Variants in EFCAB7 observed in about 807,000 individuals in gnomAD.
The protein encoded by EFCAB7 is EF-hand calcium-binding domain-containing protein 7.
EFCAB7 carries 66 observed loss-of-function variants against 77.1 expected under a neutral mutation model. The ratio of observed to expected loss-of-function variants is 0.86; its 90% confidence interval spans 0.70 to 1.05. The LOEUF is 1.05. Among genes scored for constraint, EFCAB7 ranks in the 50% least tolerant of loss-of-function variants. The probability of loss-of-function intolerance (pLI) is 0.00; values close to 1 mark genes in which losing one functional copy is unlikely to be tolerated. For missense variants in EFCAB7, 638 were observed against 730.5 expected (o/e 0.87, Z 1.46); for synonymous variants, 225 against 243.3 (o/e 0.92, Z 0.70).
intron 10 of EFCAB7, among the ~76,000 whole-genome samples, chr1:63,558,517 G>C (rs1647056185): frequency 6.6e-6 from 1 of 152,140 alleles, no homozygotes; most frequent in African/African-American, 2.4e-5. Context: ...ATAGGCTCCA[G>C]AACTTTGAAC....
intron 6 of EFCAB7, among the ~76,000 whole-genome samples, chr1:63,541,856 C>T (rs1269213408): frequency 1.3e-5 from 2 of 152,112 alleles, no homozygotes; most frequent in Non-Finnish European, 2.9e-5. Flanking sequence ...AGCCACCATG[C>T]CCAGCCCCAA....
At chr1:63,546,541 T>A (rs1371545123) in intron 7 of EFCAB7, among the ~76,000 whole-genome samples, 1 of 152,114 alleles carries the variant, frequency 6.6e-6, no homozygotes, top group Non-Finnish European at 1.5e-5. Context: ...AATCTTTTTG[T>A]ATTTTTAGTA....
At chr1:63,562,507 T>C (rs866482933) in intron 11 of EFCAB7, among the ~76,000 whole-genome samples, 100 of 128,020 alleles carry the variant, frequency 7.8e-4, no homozygotes, top group Middle Eastern at 4.0e-3. Flanking sequence ...AACTTTTTTT[T>C]TTTTTAATTT....
At chr1:63,562,128 T>G (rs1647108889) in intron 11 of EFCAB7, among the ~76,000 whole-genome samples, 1 of 152,014 alleles carries the variant, frequency 6.6e-6, no homozygotes, top group African/African-American at 2.4e-5. Context: ...TTAAAAAAAT[T>G]AAAATTGGAA....
At chr1:63,533,066 C>T (rs1313530908) in intron 4 of EFCAB7, among the ~76,000 whole-genome samples, 1 of 152,084 alleles carries the variant, frequency 6.6e-6, no homozygotes, top group Non-Finnish European at 1.5e-5. Context: ...AGTTAAAAAA[C>T]ATGTGTGCTC....
chr1:63,539,284 T>A (rs937931982), intron 6 of EFCAB7, among the ~76,000 whole-genome samples: 2 of 152,180 alleles, frequency 1.3e-5, no homozygotes, highest in African/African-American at 2.4e-5. Flanking sequence ...ACCATTTTTT[T>A]AAAGCTGGGG....
chr1:63,546,551 A>G (rs1424502412), intron 7 of EFCAB7, among the ~76,000 whole-genome samples: 1 of 152,088 alleles, frequency 6.6e-6, no homozygotes, highest in African/African-American at 2.4e-5. Context: ...TATTTTTAGT[A>G]GAGACAGGGT....
chr1:63,547,212 A>G (rs1207652028), intron 7 of EFCAB7: 1 of 152,200 alleles, frequency 6.6e-6, no homozygotes, highest in Non-Finnish European at 1.5e-5. Flanking sequence ...GTAGTTGTTA[A>G]TTCTCTGTAT....
chr1:63,563,844 C>T (rs1477801538), intron 11 of EFCAB7, among the ~76,000 whole-genome samples: 2 of 152,234 alleles, frequency 1.3e-5, no homozygotes, highest in East Asian at 3.9e-4. Flanking sequence ...CTATGAAGAT[C>T]CTCTGTTAAA....
At position 63,572,669 on chromosome 1, in the gene EFCAB7, T is replaced by C; in HGVS notation, c.*153T>C. On this transcript the variant is annotated 3_prime_UTR_variant, in exon 14 of 14. Transcript: ENST00000371088. ...TTTATGTCCATGGTATGTACTTTAT[T>C]ATTAAAATATAAATAATGCTTTCAT... is the stretch of plus-strand genomic sequence containing the variant. The C allele has an allele frequency of 3.0e-6, 3 of 1,016,618 alleles. No individual in the cohort carries two copies. Among genetic ancestry groups the C allele is most frequent in the Non-Finnish European group, 3.8e-6 (3 of 791,800 alleles). The allele number at this position is 1,016,618 out of a possible 1,614,324, so 63.0% of individuals were successfully genotyped here.
At chr1:63,583,125 C>T in the EFCAB7 span, among the ~76,000 whole-genome samples, 1 of 152,110 alleles carries the variant, frequency 6.6e-6, no homozygotes, top group African/African-American at 2.4e-5. Context: ...GACTAATGTG[C>T]CCTATTCTGG....
intron 6 of EFCAB7, among the ~76,000 whole-genome samples, chr1:63,540,890 GATAAAA>G (rs1037465861): frequency 6.6e-6 from 1 of 151,536 alleles, no homozygotes; most frequent in African/African-American, 2.4e-5. Flanking sequence ...AAAAGATAAA[GATAAAA>G]ATAGAAAACT....
the EFCAB7 span, among the ~76,000 whole-genome samples, chr1:63,580,384 T>C: frequency 6.6e-5 from 10 of 152,188 alleles, no homozygotes; most frequent in African/African-American, 2.4e-4. Flanking sequence ...TATAGAACCA[T>C]ATCTTTGCAT....
chr1:63,569,959 T>A (rs571908926), intron 12 of EFCAB7: 1 of 152,218 alleles, frequency 6.6e-6, no homozygotes, highest in Non-Finnish European at 1.5e-5. Context: ...TTCTCAATTC[T>A]CTGCCTCCTT....
At chr1:63,571,670 C>CAAAAA (rs10605515) in intron 13 of EFCAB7, among the ~76,000 whole-genome samples, 7 of 65,314 alleles carry the variant, frequency 1.1e-4, no homozygotes, top group African/African-American at 3.3e-4. Context: ...GACTCTGTCT[C>CAAAAA]AAAAAAAAAA....
At chr1:63,554,847 A>T (rs1455900117) in intron 8 of EFCAB7, among the ~76,000 whole-genome samples, 1 of 152,232 alleles carries the variant, frequency 6.6e-6, no homozygotes, top group African/African-American at 2.4e-5. Flanking sequence ...TACAAATGTG[A>T]TTAATTTATA....
At chr1:63,581,579 GAT>G in the EFCAB7 span, among the ~76,000 whole-genome samples, 1 of 152,020 alleles carries the variant, frequency 6.6e-6, no homozygotes. Context: ...ACTTAATTGT[GAT>G]ATGTTATTCT....
intron 6 of EFCAB7, among the ~76,000 whole-genome samples, chr1:63,544,852 C>G (rs1029799750): frequency 2.0e-5 from 3 of 151,862 alleles, no homozygotes; most frequent in African/African-American, 7.3e-5. Context: ...GCTCCTAGCA[C>G]TAATCTCATT....
chr1:63,574,679 A>G (rs937307772), downstream of EFCAB7, among the ~76,000 whole-genome samples: 1 of 152,196 alleles, frequency 6.6e-6, no homozygotes, highest in African/African-American at 2.4e-5. Flanking sequence ...TTCCTTTGGA[A>G]GTAAAGCGGC....
Sources: gnomAD v4.1 joint callset for allele counts (sites outside exome capture counted in the v4.1 genomes callset) on GRCh38, gnomAD v4.1.1 for gene constraint, MANE v1.5 for transcripts, NCBI Gene and HGNC (gene_info 2026-07-23, HGNC 2026-07-21) for gene names.